SLC16A3: variants seen among roughly 807,000 people sequenced by gnomAD.
The protein encoded by SLC16A3 is monocarboxylate transporter 4.
SLC16A3 carries 22 observed loss-of-function variants against 25.0 expected under a neutral mutation model. The observed-to-expected ratio is 0.88, with a 90% CI of 0.63 to 1.26. SLC16A3 has a LOEUF of 1.26. Ranked by LOEUF, SLC16A3 falls within the 50% of genes most tolerant of loss-of-function variation. The probability of loss-of-function intolerance (pLI) is 0.00; values close to 1 mark genes in which losing one functional copy is unlikely to be tolerated. For missense variants in SLC16A3, 731 were observed against 666.6 expected, an observed-to-expected ratio of 1.10 and a Z score of -1.06; for synonymous variants, 390 against 309.2, an observed-to-expected ratio of 1.26 and a Z score of -2.74.
In SLC16A3 at chr17:82,237,292, C is replaced by T. The variant is rs1402246303; in HGVS notation, c.522C>T (p.Tyr174=). Residue 174 remains tyrosine (Y), a synonymous_variant, in exon 4 of 5, where the codon TAC becomes TAT. Coordinates refer to ENST00000582743, the MANE Select transcript of SLC16A3 (RefSeq NM_004207.4). ...TGGGGCAGCTGCTGCAGGACCGCTA[C>T]GGCTGGCGGGGCGGCTTCCTCATCC... The part of the protein sequence containing the change: ...SPLGQLLQDR[Y]GWRGGFLILG... 1.2e-5 allele frequency: 18 copies of T among 1,561,220 alleles called. No homozygotes were observed. The highest frequency in any genetic ancestry group is 4.8e-5 in the East Asian group (2 of 41,938).
chr17:82,228,390 C>T (rs1367599003), upstream of SLC16A3: 1 of 152,260 alleles, frequency 6.6e-6, no homozygotes, highest in Non-Finnish European at 1.5e-5. Flanking sequence ...TGTAGGGCCC[C>T]GCAGGGCGCG....
Position 82,237,535 on chromosome 17 carries a change from C to G in SLC16A3, c.765C>G (p.Asp255Glu), listed in dbSNP as rs780196774. 1 of 1,611,516 alleles carries G rather than the reference C, an allele frequency of 6.2e-7. No individual in the cohort carries two copies. The highest frequency in any genetic ancestry group is 1.3e-5 in the African/African-American group (1 of 75,038). Reference protein sequence around the residue: ...PPVFVVSYAKDLGVPDTKAAF... With the variant: ...PPVFVVSYAKELGVPDTKAAF... Reference sequence around the variant, plus strand: ...TGTTCGTGGTGAGCTACGCCAAGGACCTGGGCGTGCCCGACACCAAGGCCG... The same window carrying G: ...TGTTCGTGGTGAGCTACGCCAAGGAGCTGGGCGTGCCCGACACCAAGGCCG... Residue 255 changes from aspartate (D) to glutamate (E), a missense_variant, in exon 4 of 5, where the codon GAC becomes GAG. Asp to Glu is a conservative substitution (Grantham distance 45). Transcript: ENST00000582743.
chr17:82,227,574 GCACCACCTGCC>G (rs2050432043), upstream of SLC16A3, among the ~76,000 whole-genome samples: 1 of 143,362 alleles, frequency 7.0e-6, no homozygotes, highest in African/African-American at 2.5e-5. Context: ...GAAGATGGGA[GCACCACCTGCC>G]CTGGGCGGGA....
upstream of SLC16A3, among the ~76,000 whole-genome samples, chr17:82,224,821 T>A (rs2050412234): frequency 6.6e-6 from 1 of 151,900 alleles, no homozygotes; most frequent in Non-Finnish European, 1.5e-5. Context: ...CAACCCCACA[T>A]AACCGGCCCT....
chr17:82,237,620 G>C lies in SLC16A3; in HGVS notation c.850G>C (p.Val284Leu). The change falls in exon 4 of 5, where the codon GTG (valine) becomes CTG (leucine). Residue 284 changes from valine to leucine, a missense_variant. Physicochemically the swap from Val to Leu is conservative, Grantham distance 32. Coordinates refer to ENST00000582743, the MANE Select transcript of SLC16A3 (RefSeq NM_004207.4). ...CTTCGCGCGGCCGGCCGCGGGCTTC[G>C]TGGCGGGGCTTGGGAAGGTGCGGCC... ...DIFARPAAGF[V>L]AGLGKVRPYS... The C allele has an allele frequency of 6.2e-7, 1 of 1,612,712 alleles. No homozygotes were observed. The highest frequency in any genetic ancestry group is 8.5e-7 in the Non-Finnish European group (1 of 1,179,812).
Position 82,236,871 on chromosome 17 carries a change from G to A in SLC16A3, c.366G>A (p.Thr122=), listed in dbSNP as rs2050616318. ...IQVYLTTGVI[T]GLGLALNFQP... ...TCTACCTCACCACTGGGGTCATCACGGGTGAGTGGGGCCGGCCGGTGGGCC... is the reference window on the plus strand; with the variant it reads ...TCTACCTCACCACTGGGGTCATCACAGGTGAGTGGGGCCGGCCGGTGGGCC... The change falls in exon 3 of 5, where the codon ACG becomes ACA. Residue 122 remains threonine, a splice_region_variant and synonymous_variant. Coordinates refer to ENST00000582743, the MANE Select transcript of SLC16A3 (RefSeq NM_004207.4). The A allele has an allele frequency of 1.0e-5, 16 of 1,605,018 alleles. No individual in the cohort carries two copies. In the East Asian group the frequency reaches 2.9e-4, roughly 29 times the overall value.
chr17:82,237,113 T>A, intron 3 of SLC16A3, 25 bp from the exon 4 acceptor site: 1 of 1,488,756 alleles, frequency 6.7e-7, no homozygotes, highest in Non-Finnish European at 8.9e-7. Context: ...CTTGGGGGGC[T>A]CTCACCACAT....
Position 82,237,142 on chromosome 17 carries a change from G to A in SLC16A3, c.372G>A (p.Leu124=). ...VYLTTGVITG[L]GLALNFQPSL... ...ACCACATTCCCTTTCCTCCAGGGTT[G>A]GGTTTGGCACTCAACTTCCAGCCCT... Residue 124 remains leucine, a synonymous_variant, in exon 4 of 5, where the codon TTG becomes TTA. Transcript: ENST00000582743. The A allele has an allele frequency of 6.6e-7, 1 of 1,504,238 alleles. No homozygotes were observed. Among genetic ancestry groups the A allele is most frequent in the Non-Finnish European group, 8.9e-7 (1 of 1,124,736 alleles). The allele number at this position is 1,504,238 out of a possible 1,614,324, so 93.2% of individuals were successfully genotyped here.
At chr17:82,237,013 AGTGG>A in intron 3 of SLC16A3, 121 bp from the exon 4 acceptor site, 1 of 1,454,212 alleles carries the variant, frequency 6.9e-7, no homozygotes. Flanking sequence ...CCCCCTCTCG[AGTGG>A]GTGGGTGGCA....
At chr17:82,221,952 C>A (rs1252980437) in intron 1 of SLC16A3, among the ~76,000 whole-genome samples, 3 of 152,230 alleles carry the variant, frequency 2.0e-5, no homozygotes, top group Non-Finnish European at 4.4e-5. Flanking sequence ...CCCTTGAACA[C>A]CCTGCTGAGA....
At chr17:82,227,476 T>C (rs1398774420), upstream of SLC16A3, among the ~76,000 whole-genome samples, 1 of 151,980 alleles carries the variant, frequency 6.6e-6, no homozygotes, top group Non-Finnish European at 1.5e-5. Flanking sequence ...CAATACCCCA[T>C]AGGGGACCCA....
intron 1 of SLC16A3, among the ~76,000 whole-genome samples, chr17:82,219,424 G>C (rs1461886693): frequency 6.6e-6 from 1 of 152,090 alleles, no homozygotes; most frequent in Non-Finnish European, 1.5e-5. Flanking sequence ...AGACAGCAGG[G>C]AAGGTCCGGT....
upstream of SLC16A3, among the ~76,000 whole-genome samples, chr17:82,225,449 G>A (rs538760447): frequency 7.9e-5 from 12 of 152,276 alleles, no homozygotes; most frequent in Admixed American, 5.9e-4. Flanking sequence ...CCCGCCACAC[G>A]CCCCGCGTGG....
upstream of SLC16A3, among the ~76,000 whole-genome samples, chr17:82,228,770 G>A (rs1298752200): frequency 2.6e-5 from 4 of 152,116 alleles, no homozygotes; most frequent in African/African-American, 9.7e-5. Context: ...TCCGGGGGAG[G>A]CGAGGCCGGG....
chr17:82,236,435 C>G, intron 2 of SLC16A3: 1 of 634,130 alleles, frequency 1.6e-6, no homozygotes, highest in Middle Eastern at 4.3e-4. Context: ...CATCCTGGCC[C>G]CTGTCCAAAC....
Position 82,237,805 on chromosome 17 carries a change from C to T in SLC16A3, c.1035C>T (p.Ala345=), listed in dbSNP as rs773299395. The T allele has an allele frequency of 6.2e-6, 10 of 1,610,498 alleles. No individual in the cohort carries two copies. Among genetic ancestry groups the T allele is most frequent in the Non-Finnish European group, 7.6e-6 (9 of 1,179,946 alleles). ...CCCTGCAGTTCGAGGTGCTCATGGC[C>T]ATCGTGGGCACCCACAAGTTCTCCA... The part of the protein sequence containing the change: ...VGALQFEVLM[A]IVGTHKFSSA... Residue 345 remains alanine, a synonymous_variant, in exon 4 of 5, where the codon GCC becomes GCT. Coordinates refer to ENST00000582743, the MANE Select transcript of SLC16A3 (RefSeq NM_004207.4).
Position 82,238,698 on chromosome 17 carries a change from G to A in SLC16A3, c.1124-4G>A, listed in dbSNP as rs566543388. The A allele has an allele frequency of 1.9e-5, 31 of 1,604,530 alleles. No homozygotes were observed. The highest frequency in any genetic ancestry group is 1.4e-4 in the South Asian group (13 of 90,138). ...CGGCTGGGACTGACGGGGTCTTCCC[G>A]CAGGCAAACTCCTGGATGCGACCCA... On this transcript the variant is annotated splice_polypyrimidine_tract_variant and splice_region_variant and intron_variant, in intron 4 of 4. Transcript: ENST00000582743.
upstream of SLC16A3, among the ~76,000 whole-genome samples, chr17:82,225,096 A>G (rs762555396): frequency 1.3e-5 from 2 of 152,184 alleles, no homozygotes; most frequent in African/African-American, 2.4e-5. Flanking sequence ...CCCTGTCTCT[A>G]CTAAAAATAC....
In SLC16A3 at chr17:82,239,010, G is replaced by A. The variant is rs1206392914; in HGVS notation, c.*34G>A. On this transcript the variant is annotated 3_prime_UTR_variant, in exon 5 of 5. Coordinates refer to ENST00000582743, the MANE Select transcript of SLC16A3 (RefSeq NM_004207.4). ...GCGGGGCCGGCAGGCACAGGGAGGAGGTACAGAAGCCGGCAACGCTTGCTA... is the reference window on the plus strand; with the variant it reads ...GCGGGGCCGGCAGGCACAGGGAGGAAGTACAGAAGCCGGCAACGCTTGCTA... 6.0e-6 allele frequency: 9 copies of A among 1,490,400 alleles called. No individual in the cohort carries two copies. The highest frequency in any genetic ancestry group is 8.0e-6 in the Non-Finnish European group (9 of 1,118,780). 92.3% of individuals were successfully genotyped at this position (1,490,400 alleles called of 1,614,324 possible). A position where few individuals can be genotyped will look rare whatever the true frequency, so the allele number is the denominator to read the frequency against.
Sources: gnomAD v4.1 joint callset for allele counts (sites outside exome capture counted in the v4.1 genomes callset) on GRCh38, gnomAD v4.1.1 for gene constraint, MANE v1.5 for transcripts, NCBI Gene and HGNC (gene_info 2026-07-23, HGNC 2026-07-21) for gene names.